Variants in WWOX observed in about 807,000 individuals in gnomAD.
WWOX encodes the protein WW domain containing oxidoreductase.
A neutral mutation model predicts 46.2 loss-of-function variants in WWOX; 69 were observed. The ratio of observed to expected loss-of-function variants is 1.49; its 90% CI spans 1.23 to 1.82. WWOX has a LOEUF of 1.82. WWOX is among the 40% of genes most tolerant of loss of function. The pLI is 0.00. For missense variants in WWOX, 919 were observed against 542.6 expected (o/e 1.69, Z -6.89); for synonymous variants, 359 against 202.6 (o/e 1.77, Z -6.56).
chr16:78,310,063 C>A (rs1209274274), intron 5 of WWOX, among the ~76,000 whole-genome samples: 2 of 152,044 alleles, frequency 1.3e-5, no homozygotes, highest in Non-Finnish European at 2.9e-5. Flanking sequence ...CCTTCCCCCT[C>A]CTTCCCCCTC....
intron 8 of WWOX, among the ~76,000 whole-genome samples, chr16:78,455,233 G>T (rs748000699): frequency 3.3e-5 from 5 of 152,168 alleles, no homozygotes; most frequent in African/African-American, 7.2e-5. Context: ...ACAAACGAGA[G>T]AATTTTAGGT....
At chr16:78,725,178 A>G (rs767703093) in intron 8 of WWOX, among the ~76,000 whole-genome samples, 29 of 150,954 alleles carry the variant, frequency 1.9e-4, no homozygotes, top group Non-Finnish European at 3.8e-4. Context: ...CTTGGCTCTC[A>G]TTTTCTCTTG....
intron 8 of WWOX, among the ~76,000 whole-genome samples, chr16:78,778,467 A>T (rs2050245867): frequency 6.6e-6 from 1 of 152,226 alleles, no homozygotes; most frequent in Non-Finnish European, 1.5e-5. Flanking sequence ...CTGGGATGTC[A>T]CATGTTCAGG....
At chr16:78,779,136 C>T (rs932818649) in intron 8 of WWOX, among the ~76,000 whole-genome samples, 1 of 151,330 alleles carries the variant, frequency 6.6e-6, no homozygotes, top group East Asian at 1.9e-4. Context: ...ATAAATGTGA[C>T]TCCAACTTGT....
intron 8 of WWOX, among the ~76,000 whole-genome samples, chr16:78,933,394 G>T (rs2045666139): frequency 6.6e-6 from 1 of 152,226 alleles, no homozygotes; most frequent in African/African-American, 2.4e-5. Flanking sequence ...AGCCAAGATT[G>T]TGCCACTGTA....
At chr16:78,190,469 G>C (rs551100221) in intron 5 of WWOX, among the ~76,000 whole-genome samples, 1 of 152,178 alleles carries the variant, frequency 6.6e-6, no homozygotes, top group Non-Finnish European at 1.5e-5. Context: ...AGTATACCTA[G>C]TGACTCTCTG....
chr16:78,766,326 G>A lies in WWOX; in HGVS notation c.1056+333574G>A, dbSNP rs564955785. Among the ~76,000 whole-genome samples, 13 of 152,288 alleles carry A rather than the reference G, an allele frequency of 8.5e-5. No individual in the cohort carries two copies. The South Asian group carries it at 2.7e-3, about 32-fold the overall frequency. On this transcript the variant is annotated intron_variant, in intron 8 of 8. Coordinates refer to ENST00000566780, the MANE Select transcript of WWOX (RefSeq NM_016373.4). ...AAATGTGCAGAGGAGACCGGGCATGGTAGCACACTTGTAATCTCAGCACTT... is the reference window on the plus strand; with the variant it reads ...AAATGTGCAGAGGAGACCGGGCATGATAGCACACTTGTAATCTCAGCACTT...
rs569814115 is a variant in WWOX at position 78,282,253 on chromosome 16, A to G, written c.517-104607A>G. Among the ~76,000 whole-genome samples the G allele has an allele frequency of 7.2e-5, 11 of 152,246 alleles. 1 individual carries two copies. In the South Asian group the frequency reaches 2.1e-3, roughly 29 times the overall value. On this transcript the variant is annotated intron_variant, in intron 5 of 8. Coordinates refer to ENST00000566780, the MANE Select transcript of WWOX (RefSeq NM_016373.4). ...CCTGGGGAAACATTCTGGACACACA[A>G]ATCTATAGCTTCTACCGTCAATCTG...
At chr16:78,562,122 A>G (rs959951557) in intron 8 of WWOX, among the ~76,000 whole-genome samples, 3 of 152,152 alleles carry the variant, frequency 2.0e-5, no homozygotes, top group African/African-American at 7.2e-5. Flanking sequence ...TATCCAAACA[A>G]ATTGGATGCT....
At chr16:78,999,303 T>C (rs562292289) in intron 8 of WWOX, among the ~76,000 whole-genome samples, 5 of 152,196 alleles carry the variant, frequency 3.3e-5, no homozygotes, top group African/African-American at 1.2e-4. Context: ...AAACCCCGTC[T>C]CTACTAAAAA....
rs201297369 is a variant in WWOX, at chr16:78,264,014, TTG to T, written c.516+99727_516+99728del. Among the ~76,000 whole-genome samples the T allele has an allele frequency of 2.3e-3, 320 of 139,846 alleles. 66 individuals are homozygous for T. Among genetic ancestry groups the T allele is most frequent in the African/African-American group, 6.8e-3 (252 of 36,808 alleles). 91.7% of individuals were successfully genotyped at this position (139,846 alleles called of 152,430 possible). On this transcript the variant is annotated intron_variant, in intron 5 of 8. Coordinates refer to ENST00000566780, the MANE Select transcript of WWOX (RefSeq NM_016373.4). ...GTGAAATCTTTTTTTTTTTTTTTTT[TTG>T]TTTTTTTGCTGTGGAGCGCAAAATG... is the stretch of plus-strand genomic sequence containing the variant.
At chr16:78,112,589 G>A (rs117170206) in intron 3 of WWOX, among the ~76,000 whole-genome samples, 2,477 of 152,148 alleles carry the variant, frequency 0.016, 22 homozygotes, top group Non-Finnish European at 0.023. Context: ...TTGTTAAAAG[G>A]CTTTTTGCCT....
At chr16:78,840,458 G>C (rs896198633) in intron 8 of WWOX, among the ~76,000 whole-genome samples, 3 of 152,178 alleles carry the variant, frequency 2.0e-5, no homozygotes, top group Non-Finnish European at 2.9e-5. Flanking sequence ...ATGAAGAGGA[G>C]CGATGGCATG....
intron 8 of WWOX, among the ~76,000 whole-genome samples, chr16:78,565,110 C>G (rs551940667): frequency 3.9e-5 from 6 of 152,222 alleles, no homozygotes; most frequent in Non-Finnish European, 8.8e-5. Context: ...ATTCATTCAT[C>G]AGAGCAGCAT....
At chr16:79,166,867 A>G (rs2050604230) in intron 8 of WWOX, among the ~76,000 whole-genome samples, 1 of 152,210 alleles carries the variant, frequency 6.6e-6, no homozygotes, top group African/African-American at 2.4e-5. Flanking sequence ...TTCTTTAGTG[A>G]ACTTGCTTAT....
chr16:79,044,048 C>G (rs953785232), intron 8 of WWOX, among the ~76,000 whole-genome samples: 2 of 152,170 alleles, frequency 1.3e-5, no homozygotes, highest in African/African-American at 4.8e-5. Context: ...AGGCTTCGGC[C>G]CTGCCCAGAC....
intron 8 of WWOX, among the ~76,000 whole-genome samples, chr16:78,933,365 G>A (rs2045665617): frequency 6.6e-6 from 1 of 152,232 alleles, no homozygotes. Context: ...CTCGAACCCA[G>A]GAGGCTGAGG....
intron 8 of WWOX, among the ~76,000 whole-genome samples, chr16:79,043,683 G>T (rs1483707716): frequency 6.6e-6 from 1 of 152,212 alleles, no homozygotes; most frequent in South Asian, 2.1e-4. Context: ...ATAGGATCAG[G>T]CTGACCAGTA....
chr16:78,433,005 G>A (rs1166540988), intron 8 of WWOX, among the ~76,000 whole-genome samples: 1 of 142,424 alleles, frequency 7.0e-6, no homozygotes, highest in Non-Finnish European at 1.5e-5. Flanking sequence ...AGTCCTTATG[G>A]AAATGGTGAT....
Sources: gnomAD v4.1 joint callset for allele counts (sites outside exome capture counted in the v4.1 genomes callset) on GRCh38, gnomAD v4.1.1 for gene constraint, MANE v1.5 for transcripts, NCBI Gene and HGNC (gene_info 2026-07-23, HGNC 2026-07-21) for gene names.